DENND5A: variants seen among roughly 807,000 people sequenced by gnomAD.
DENND5A encodes DENN domain containing 5A, also known as DENN domain-containing protein 5A.
A neutral mutation model predicts 140.3 loss-of-function variants in DENND5A; 64 were observed. That is an observed-to-expected ratio of 0.46 (90% CI 0.37 to 0.56). DENND5A has a LOEUF of 0.56. Among genes scored for constraint, DENND5A ranks in the 20% least tolerant of loss-of-function variants. The pLI is 0.00. For synonymous variants in DENND5A, 605 were observed against 607.7 expected, an observed-to-expected ratio of 1.00 and a Z score of 0.07; for missense variants, 1,292 against 1,593.8, an observed-to-expected ratio of 0.81 and a Z score of 3.22.
intron 1 of DENND5A, among the ~76,000 whole-genome samples, chr11:9,213,794 G>A (rs567400378): frequency 0.018 from 293 of 15,912 alleles, 5 homozygotes; most frequent in African/African-American, 0.061. Context: ...GTGGCTGAGC[G>A]AGACTCCGTC....
intron 1 of DENND5A, among the ~76,000 whole-genome samples, chr11:9,231,176 G>T (rs1850753888): frequency 6.6e-6 from 1 of 152,114 alleles, no homozygotes; most frequent in Admixed American, 6.5e-5. Flanking sequence ...AAAATCTTTA[G>T]CCATGAAAAC....
intron 1 of DENND5A, among the ~76,000 whole-genome samples, chr11:9,240,542 G>A (rs891917746): frequency 5.3e-5 from 8 of 151,806 alleles, no homozygotes; most frequent in Non-Finnish European, 1.2e-4. Flanking sequence ...AAAACCCATC[G>A]CTAGAAAAAA....
intron 1 of DENND5A, among the ~76,000 whole-genome samples, chr11:9,255,223 T>C (rs1241295995): frequency 6.6e-6 from 1 of 152,198 alleles, no homozygotes; most frequent in African/African-American, 2.4e-5. Flanking sequence ...TAAAGTGGAA[T>C]TCTCATACAC....
intron 6 of DENND5A, among the ~76,000 whole-genome samples, chr11:9,179,852 G>T (rs889322054): frequency 5.3e-4 from 80 of 151,796 alleles, no homozygotes; most frequent in African/African-American, 1.9e-3. Flanking sequence ...AACTGCCCAT[G>T]ATTTTTGAAA....
At chr11:9,172,391 A>C (rs1267493303) in intron 8 of DENND5A, 1 of 152,234 alleles carries the variant, frequency 6.6e-6, no homozygotes, top group Non-Finnish European at 1.5e-5. Context: ...AAAATTAAGG[A>C]TGACAGCAGA....
At chr11:9,262,218 A>T (rs927716503) in intron 1 of DENND5A, among the ~76,000 whole-genome samples, 1 of 152,120 alleles carries the variant, frequency 6.6e-6, no homozygotes, top group Non-Finnish European at 1.5e-5. Context: ...CTTGCTCCCA[A>T]TCACAAAGAT....
chr11:9,163,606 C>G (rs1848066593), intron 11 of DENND5A, among the ~76,000 whole-genome samples: 1 of 151,934 alleles, frequency 6.6e-6, no homozygotes, highest in African/African-American at 2.4e-5. Context: ...GAGTTCAATA[C>G]CAGCCTGGTC....
At chr11:9,262,518 G>A (rs1248921632) in intron 1 of DENND5A, among the ~76,000 whole-genome samples, 1 of 152,078 alleles carries the variant, frequency 6.6e-6, no homozygotes, top group Non-Finnish European at 1.5e-5. Flanking sequence ...GAAGAGCACT[G>A]GACCAAGCAA....
chr11:9,189,278 C>T (rs543600106), intron 5 of DENND5A, among the ~76,000 whole-genome samples: 53 of 152,250 alleles, frequency 3.5e-4, no homozygotes, highest in Non-Finnish European at 6.0e-4. Context: ...TGCAGAGGTA[C>T]GGAAATACCT....
At chr11:9,218,627 T>C (rs2136231974) in intron 1 of DENND5A, among the ~76,000 whole-genome samples, 1 of 152,168 alleles carries the variant, frequency 6.6e-6, no homozygotes, top group South Asian at 2.1e-4. Context: ...GGAAGATCGC[T>C]AGAGCCCGGG....
chr11:9,219,767 G>A (rs1356223490), intron 1 of DENND5A, among the ~76,000 whole-genome samples: 1 of 152,210 alleles, frequency 6.6e-6, no homozygotes, highest in East Asian at 1.9e-4. Flanking sequence ...AGGGATCTGT[G>A]AGCCAAAAAA....
At chr11:9,260,027 CAAAAAAAA>C (rs56390201) in intron 1 of DENND5A, among the ~76,000 whole-genome samples, 3 of 63,928 alleles carry the variant, frequency 4.7e-5, no homozygotes, top group African/African-American at 1.1e-4. Context: ...GACTCCATCT[CAAAAAAAA>C]AAAAAAAAAA....
chr11:9,198,604 C>G (rs1050036119), intron 4 of DENND5A, among the ~76,000 whole-genome samples: 1 of 148,938 alleles, frequency 6.7e-6, no homozygotes, highest in Admixed American at 6.7e-5. Flanking sequence ...AGCAAGACTC[C>G]ACCTCAAAAA....
At chr11:9,157,781 GCAATGAACATACACGTGC>G (rs1847859419) in intron 12 of DENND5A, among the ~76,000 whole-genome samples, 1 of 152,190 alleles carries the variant, frequency 6.6e-6, no homozygotes, top group Non-Finnish European at 1.5e-5. Context: ...GAATAGTGCT[GCAATGAACATACACGTGC>G]ATATGTCTTT....
chr11:9,156,346 T>TATA (rs1847801683), intron 12 of DENND5A, among the ~76,000 whole-genome samples: 1 of 152,070 alleles, frequency 6.6e-6, no homozygotes, highest in Non-Finnish European at 1.5e-5. Context: ...AAGCCCCCAT[T>TATA]ATTTTGCACT....
At chr11:9,151,821 G>A (rs1370157105) in intron 13 of DENND5A, among the ~76,000 whole-genome samples, 3 of 152,100 alleles carry the variant, frequency 2.0e-5, no homozygotes, top group Non-Finnish European at 2.9e-5. Flanking sequence ...CTCCAGACTC[G>A]TTTCCTCCTC....
chr11:9,175,162 T>C (rs987050624), intron 8 of DENND5A: 2 of 152,164 alleles, frequency 1.3e-5, no homozygotes, highest in African/African-American at 2.4e-5. Context: ...AATGCTATTA[T>C]AGTTCTATAT....
intron 17 of DENND5A, 60 bp from the exon 18 acceptor site, chr11:9,145,173 C>T: frequency 1.6e-6 from 2 of 1,255,136 alleles, no homozygotes; most frequent in Middle Eastern, 1.9e-4. Context: ...AACAGTAGTT[C>T]TCGGAGGCAC....
rs2136105729 is a variant in DENND5A, at chr11:9,139,009, AAAG to A, written c.*659_*661del. 6.6e-6 allele frequency: 1 copy of A among 152,614 alleles called. No homozygotes were observed. The highest frequency in any genetic ancestry group is 1.9e-4 in the East Asian group (1 of 5,194). The allele number at this position is 152,614 out of a possible 1,614,324, so 9.5% of individuals were successfully genotyped here. A position where few individuals can be genotyped will look rare whatever the true frequency, so the allele number is the denominator to read the frequency against. ...TAAATAAAACATTTTAAAAAAGAAA[AAAG>A]AAAAGAAAAACCTGTTAAAACATGC... On this transcript the variant is annotated 3_prime_UTR_variant, in exon 23 of 23. Transcript: ENST00000328194.
Sources: gnomAD v4.1 joint callset for allele counts (sites outside exome capture counted in the v4.1 genomes callset) on GRCh38, gnomAD v4.1.1 for gene constraint, MANE v1.5 for transcripts, NCBI Gene and HGNC (gene_info 2026-07-23, HGNC 2026-07-21) for gene names.